Variants in APC observed in about 807,000 individuals in gnomAD.
APC encodes the protein adenomatous polyposis coli protein.
A neutral mutation model predicts 247.0 loss-of-function variants in APC; 72 were observed. The observed-to-expected ratio is 0.29, with a 90% CI of 0.24 to 0.35. The LOEUF is 0.35. APC is among the 10% of genes least tolerant of loss of function. The pLI is 1.00. For synonymous variants in APC, 1,254 were observed against 1,162.5 expected (o/e 1.08, Z -1.60); for missense variants, 3,400 against 3,360.7 (o/e 1.01, Z -0.29).
intron 1 of APC, among the ~76,000 whole-genome samples, chr5:112,751,640 C>A (rs1460397947): frequency 1.3e-5 from 2 of 151,766 alleles, no homozygotes; most frequent in Non-Finnish European, 2.9e-5. Context: ...TGAATGATTT[C>A]TGTATATTTT....
At chr5:112,772,244 A>C (rs762783531) in intron 4 of APC, among the ~76,000 whole-genome samples, 1 of 152,176 alleles carries the variant, frequency 6.6e-6, no homozygotes, top group African/African-American at 2.4e-5. Context: ...ACTAAACCCT[A>C]ATGACTCTGC....
In APC at chr5:112,843,303, C is replaced by A. The variant is rs1561617778; in HGVS notation, c.7709C>A (p.Ser2570Ter). Residue 2570 changes from serine to a stop codon, truncating the protein, a stop_gained, in exon 16 of 16, where the codon TCA (serine) becomes TAA (stop). Coordinates refer to ENST00000257430, the MANE Select transcript of APC (RefSeq NM_000038.6). LOFTEE classifies it high-confidence loss of function. This position sits in a 1 kb window ranked among gnomAD's most constrained non-coding sequence, Gnocchi z 4.8. The stretch of plus-strand genomic sequence containing the variant: ...AGCACTTGGAGAAGAACTGGAAGTT[C>A]ATCTTCAATTCTTTCTGCTTCATCA... ...RVSTWRRTGS[S>*]SSILSASSES... 6.2e-7 allele frequency: 1 copy of A among 1,613,436 alleles called. No individual in the cohort carries two copies. Among genetic ancestry groups the A allele is most frequent in the South Asian group, 1.1e-5 (1 of 91,064 alleles).
intron 8 of APC, among the ~76,000 whole-genome samples, chr5:112,803,726 C>T (rs1014472328): frequency 6.6e-6 from 1 of 152,164 alleles, no homozygotes; most frequent in African/African-American, 2.4e-5. Context: ...AAAGGACAGA[C>T]AGTCCTTGGC....
At chr5:112,800,862 A>G (rs979300761) in intron 7 of APC, among the ~76,000 whole-genome samples, 4 of 152,120 alleles carry the variant, frequency 2.6e-5, no homozygotes, top group African/African-American at 7.2e-5. Context: ...ATGTGAAAAT[A>G]TACCTAAGTA....
rs1050301472 is a variant in APC at position 112,837,472 on chromosome 5, C to G, written c.1959-81C>G. ...GATAATTGGTACAATCATATTATGC[C>G]TTTTGTCTTCTATCCTTTTATTTGT... On this transcript the variant is annotated intron_variant, in intron 15 of 15. Transcript: ENST00000257430. 5.8e-6 allele frequency: 6 copies of G among 1,030,844 alleles called. No homozygotes were observed. In the African/African-American group the frequency reaches 9.5e-5, roughly 16 times the overall value. 63.9% of individuals were successfully genotyped at this position (1,030,844 alleles called of 1,614,324 possible). A position where few individuals can be genotyped will look rare whatever the true frequency, so the allele number is the denominator to read the frequency against.
chr5:112,744,743 C>T (rs997660466), intron 1 of APC, among the ~76,000 whole-genome samples: 1 of 152,104 alleles, frequency 6.6e-6, no homozygotes, highest in Non-Finnish European at 1.5e-5. Context: ...GAGAGACTTA[C>T]TTGAGGAAGG....
intron 7 of APC, among the ~76,000 whole-genome samples, chr5:112,794,693 C>T (rs1048198096): frequency 1.2e-4 from 19 of 152,028 alleles, no homozygotes; most frequent in Non-Finnish European, 2.2e-4. Flanking sequence ...GGTTAAGAGC[C>T]GACTCCTTCA....
At chr5:112,769,902 C>G (rs574622405) in intron 4 of APC, among the ~76,000 whole-genome samples, 7 of 152,260 alleles carry the variant, frequency 4.6e-5, no homozygotes, top group Non-Finnish European at 1.0e-4. Flanking sequence ...ACATAAGTCT[C>G]TGTTTCATAC....
At chr5:112,800,640 G>A (rs554434324) in intron 7 of APC, among the ~76,000 whole-genome samples, 3 of 152,090 alleles carry the variant, frequency 2.0e-5, no homozygotes, top group East Asian at 1.9e-4. Flanking sequence ...TTTTGTGGTG[G>A]TATTTTTATA....
chr5:112,714,796 A>G (rs1379431520), intron 1 of APC, among the ~76,000 whole-genome samples: 1 of 152,154 alleles, frequency 6.6e-6, no homozygotes, highest in African/African-American at 2.4e-5. Flanking sequence ...CTCTATGGGT[A>G]TTATTTTTCT....
chr5:112,808,760 C>G (rs1761685322), intron 8 of APC, among the ~76,000 whole-genome samples: 1 of 152,128 alleles, frequency 6.6e-6, no homozygotes, highest in Non-Finnish European at 1.5e-5. Context: ...TTGCTGATGA[C>G]TCCCCATGAT....
At chr5:112,751,895 G>A (rs1754419726) in intron 1 of APC, among the ~76,000 whole-genome samples, 1 of 151,924 alleles carries the variant, frequency 6.6e-6, no homozygotes. Context: ...TCATGTTAAA[G>A]AAATGTTCTT....
At chr5:112,725,893 G>A (rs116291488) in intron 1 of APC, among the ~76,000 whole-genome samples, 1,549 of 152,298 alleles carry the variant, frequency 0.01, 24 homozygotes, top group African/African-American at 0.035. Context: ...AGCCCTTACC[G>A]TAGTATATGA....
Position 112,843,611 on chromosome 5 carries a change from A to C in APC, c.8017A>C (p.Arg2673=), listed in dbSNP as rs767286063. The change falls in exon 16 of 16, where the codon AGA becomes CGA. Residue 2673 remains arginine, a synonymous_variant. Coordinates refer to ENST00000257430, the MANE Select transcript of APC (RefSeq NM_000038.6). The surrounding 1 kb of genome is among the most constrained non-coding windows in gnomAD (Gnocchi z 4.8). ...DCPINNPRSG[R]SPTGNTPPVI... is the part of the protein sequence containing the mutation. ...TCCCATTAACAATCCTAGATCTGGA[A>C]GATCTCCCACAGGTAATACTCCCCC... 3.7e-6 allele frequency: 6 copies of C among 1,613,908 alleles called. No individual in the cohort carries two copies. In the Admixed American group the frequency reaches 1.0e-4, roughly 27 times the overall value.
intron 9 of APC, among the ~76,000 whole-genome samples, 199 bp downstream of exon 9, chr5:112,815,792 C>A (rs565020175): frequency 5.8e-4 from 89 of 152,224 alleles, no homozygotes; most frequent in African/African-American, 2.0e-3. Context: ...AAAAATTTAG[C>A]CAGTGTGGTG....
At chr5:112,815,118 T>C (rs140578183) in intron 8 of APC, among the ~76,000 whole-genome samples, 1 of 152,350 alleles carries the variant, frequency 6.6e-6, no homozygotes, top group African/African-American at 2.4e-5. Context: ...AATTCATACT[T>C]AGTTTTCTGG....
intron 8 of APC, among the ~76,000 whole-genome samples, chr5:112,803,624 G>A (rs1761064629): frequency 6.6e-6 from 1 of 152,244 alleles, no homozygotes; most frequent in Admixed American, 6.5e-5. Flanking sequence ...TTAGTAAAAG[G>A]TAACCGATTC....
chr5:112,820,944 C>G (rs1456491141), intron 10 of APC, among the ~76,000 whole-genome samples: 1 of 152,114 alleles, frequency 6.6e-6, no homozygotes, highest in Admixed American at 6.6e-5. Flanking sequence ...TCACTGCAGC[C>G]TCAACCTCCC....
At chr5:112,794,156 A>C (rs1759947745) in intron 7 of APC, among the ~76,000 whole-genome samples, 1 of 151,892 alleles carries the variant, frequency 6.6e-6, no homozygotes, top group South Asian at 2.1e-4. Context: ...GCAGTGGCGC[A>C]ATCTCGGCTC....
Sources: gnomAD v4.1 joint callset for allele counts (sites outside exome capture counted in the v4.1 genomes callset) on GRCh38, gnomAD v4.1.1 for gene constraint, Gnocchi (gnomAD v3.1) non-coding constraint, MANE v1.5 for transcripts, NCBI Gene and HGNC (gene_info 2026-07-23, HGNC 2026-07-21) for gene names.